The following TMEM181 variants were observed in gnomAD, a reference collection of about 807,000 sequenced individuals.
TMEM181 encodes the protein transmembrane protein 181.
TMEM181 carries 39 observed loss-of-function variants against 71.9 expected under a neutral mutation model. That is an observed-to-expected ratio of 0.54 (90% CI 0.42 to 0.71). TMEM181 has a LOEUF of 0.71. Among genes scored for constraint, TMEM181 ranks in the 30% least tolerant of loss-of-function variants. The pLI is 0.00. For synonymous variants in TMEM181, 245 were observed against 228.8 expected, an observed-to-expected ratio of 1.07 and a Z score of -0.64; for missense variants, 595 against 583.0, an observed-to-expected ratio of 1.02 and a Z score of -0.21.
At chr6:158,543,942 G>T (rs1169030533) in intron 1 of TMEM181, among the ~76,000 whole-genome samples, 1 of 152,182 alleles carries the variant, frequency 6.6e-6, no homozygotes, top group Non-Finnish European at 1.5e-5. Context: ...AATGCTTGAT[G>T]AACAAGAGTC....
chr6:158,626,799 A>C (rs1786302024), intron 13 of TMEM181: 1 of 454,944 alleles, frequency 2.2e-6, no homozygotes, highest in East Asian at 7.0e-5. Flanking sequence ...TCATGCCTTC[A>C]CTCACAACTG....
upstream of TMEM181, among the ~76,000 whole-genome samples, chr6:158,557,382 G>T (rs181145438): frequency 6.6e-6 from 1 of 151,974 alleles, no homozygotes; most frequent in African/African-American, 2.4e-5. Context: ...AAACAAACAG[G>T]TCATGTGAGA....
At chr6:158,571,007 G>C (rs1782776448) in intron 1 of TMEM181, among the ~76,000 whole-genome samples, 1 of 151,372 alleles carries the variant, frequency 6.6e-6, no homozygotes, top group Admixed American at 6.6e-5. Context: ...CCAACTCCCT[G>C]GTTCAAGCGA....
chr6:158,598,177 C>T (rs1487617226), intron 6 of TMEM181, among the ~76,000 whole-genome samples: 1 of 152,246 alleles, frequency 6.6e-6, no homozygotes, highest in African/African-American at 2.4e-5. Context: ...CTTGTACTCA[C>T]TTTCCTGTTC....
At chr6:158,597,658 A>G (rs929895691) in intron 6 of TMEM181, among the ~76,000 whole-genome samples, 1 of 151,880 alleles carries the variant, frequency 6.6e-6, no homozygotes, top group Non-Finnish European at 1.5e-5. Flanking sequence ...ACACACCACC[A>G]TGCCTGGCTT....
At chr6:158,575,707 G>T (rs1032008980) in intron 2 of TMEM181, among the ~76,000 whole-genome samples, 1 of 152,186 alleles carries the variant, frequency 6.6e-6, no homozygotes, top group African/African-American at 2.4e-5. Flanking sequence ...CTCAGATTGT[G>T]AATCTGTTTA....
At chr6:158,625,950 G>A (rs1420688247) in intron 13 of TMEM181, among the ~76,000 whole-genome samples, 196 bp downstream of exon 13, 2 of 152,194 alleles carry the variant, frequency 1.3e-5, no homozygotes, top group Non-Finnish European at 2.9e-5. Flanking sequence ...TGTTGTAAGC[G>A]GCCGAGGACT....
chr6:158,629,825 C>T lies in TMEM181; in HGVS notation c.1282+6C>T, dbSNP rs1583063020. 6.2e-7 allele frequency: 1 copy of T among 1,612,160 alleles called. No individual in the cohort carries two copies. The highest frequency in any genetic ancestry group is 8.5e-7 in the Non-Finnish European group (1 of 1,178,212). On this transcript the variant is annotated splice_donor_region_variant and intron_variant, in intron 15 of 16. Coordinates refer to ENST00000684151, the MANE Select transcript of TMEM181 (RefSeq NM_001376852.1). ...ATCGAAGAATGCCCTCTATGGTAAG[C>T]CACCCTGGGGTCTGGACTGCTGGCC...
intron 1 of TMEM181, 96 bp downstream of exon 1, chr6:158,560,328 C>T (rs1372759695): frequency 6.1e-6 from 6 of 984,846 alleles, no homozygotes; most frequent in Non-Finnish European, 6.0e-6. Context: ...CCGCAGGGTC[C>T]CTGGCGCCCA....
At chr6:158,589,841 T>C in intron 6 of TMEM181, 59 bp downstream of exon 6, 2 of 1,220,624 alleles carry the variant, frequency 1.6e-6, no homozygotes. Flanking sequence ...CCATTCTTTG[T>C]TCAATGATTG....
intron 1 of TMEM181, among the ~76,000 whole-genome samples, chr6:158,537,214 C>G (rs952811580): frequency 6.6e-6 from 1 of 152,042 alleles, no homozygotes; most frequent in Non-Finnish European, 1.5e-5. Context: ...GCGTCGTTCT[C>G]CCCCCGCGCC....
intron 13 of TMEM181, among the ~76,000 whole-genome samples, chr6:158,627,273 G>A (rs1324356254): frequency 4.6e-5 from 7 of 152,160 alleles, no homozygotes; most frequent in Admixed American, 2.6e-4. Context: ...GGTGGCCTCC[G>A]TCTCGGAAGT....
chr6:158,560,526 G>A (rs547718298), intron 1 of TMEM181, among the ~76,000 whole-genome samples: 2 of 152,310 alleles, frequency 1.3e-5, no homozygotes, highest in Admixed American at 1.3e-4. Context: ...GCTCACCGGG[G>A]GGCCGAGAGA....
At chr6:158,586,544 G>A (rs1366949235) in intron 5 of TMEM181, among the ~76,000 whole-genome samples, 2 of 152,186 alleles carry the variant, frequency 1.3e-5, no homozygotes, top group Admixed American at 6.5e-5. Flanking sequence ...TAAGTGGAGG[G>A]CCCAGGATTT....
At chr6:158,631,214 T>G in intron 15 of TMEM181, 109 bp from the exon 16 acceptor site, 2 of 1,114,790 alleles carry the variant, frequency 1.8e-6, no homozygotes, top group Non-Finnish European at 2.7e-6. Context: ...AGCTCTGCGA[T>G]TTGAGTCCAG....
intron 1 of TMEM181, among the ~76,000 whole-genome samples, chr6:158,550,663 GA>G (rs78160904): frequency 1.4e-3 from 205 of 149,654 alleles, no homozygotes; most frequent in African/African-American, 4.2e-3. Context: ...TCAAAAAAAA[GA>G]AAAAAAAATA....
At chr6:158,607,773 GC>G (rs1785033356) in intron 8 of TMEM181, among the ~76,000 whole-genome samples, 1 of 152,212 alleles carries the variant, frequency 6.6e-6, no homozygotes, top group African/African-American at 2.4e-5. Flanking sequence ...TGTGCTCCCT[GC>G]CACCCCAGGA....
At chr6:158,571,272 G>A (rs573654974) in intron 1 of TMEM181, among the ~76,000 whole-genome samples, 87 of 149,092 alleles carry the variant, frequency 5.8e-4, no homozygotes, top group Non-Finnish European at 9.8e-4. Context: ...AATTTTTTGT[G>A]TTTTTTAGTA....
At chr6:158,607,854 C>T (rs1403674886) in intron 8 of TMEM181, among the ~76,000 whole-genome samples, 2 of 152,206 alleles carry the variant, frequency 1.3e-5, no homozygotes, top group African/African-American at 4.8e-5. Flanking sequence ...GTAGTTAAAA[C>T]TTGGACGTGC....
Sources: gnomAD v4.1 joint callset for allele counts (sites outside exome capture counted in the v4.1 genomes callset) on GRCh38, gnomAD v4.1.1 for gene constraint, MANE v1.5 for transcripts, NCBI Gene and HGNC (gene_info 2026-07-23, HGNC 2026-07-21) for gene names.